HTR4: variants seen among roughly 807,000 people sequenced by gnomAD.
HTR4 encodes the protein 5-hydroxytryptamine receptor 4.
In HTR4, 16 loss-of-function variants were observed where a neutral mutation model predicts 36.8. The observed-to-expected ratio is 0.43, with a 90% CI of 0.29 to 0.66. The LOEUF (loss-of-function observed/expected upper bound fraction) is 0.66, where lower values mean the gene tolerates loss of function less well. HTR4 is among the 30% of genes least tolerant of loss of function. The pLI, the probability that HTR4 is intolerant of heterozygous loss-of-function variation, is 0.13. For missense variants in HTR4, 438 were observed against 490.9 expected, an observed-to-expected ratio of 0.89 and a Z score of 1.02; for synonymous variants, 189 against 185.1, an observed-to-expected ratio of 1.02 and a Z score of -0.17.
intron 2 of HTR4, among the ~76,000 whole-genome samples, chr5:148,635,306 T>C (rs1424534016): frequency 6.6e-6 from 1 of 152,178 alleles, no homozygotes; most frequent in Non-Finnish European, 1.5e-5. Context: ...TCAAAGGCTG[T>C]ACTGAGAGGA....
rs200560044 is a variant in HTR4 at position 148,632,746 on chromosome 5, G to GA, written c.26+4242dup. ...ACTTTCAAATTATAATAAACAGCCA[G>GA]AAAAAAGAGACAGAAACCTGAACTG... On this transcript the variant is annotated intron_variant, in intron 2 of 6. Transcript: ENST00000377888. Among the ~76,000 whole-genome samples the GA allele has an allele frequency of 8.9e-3, 1,357 of 152,148 alleles. 26 individuals are homozygous for GA. The highest frequency in any genetic ancestry group is 0.031 in the African/African-American group (1,298 of 41,524).
intron 5 of HTR4, among the ~76,000 whole-genome samples, chr5:148,453,414 C>T (rs1561556497): frequency 6.6e-6 from 1 of 152,208 alleles, no homozygotes; most frequent in African/African-American, 2.4e-5. Context: ...CGACTATATG[C>T]CTAGTTAGCA....
chr5:148,580,677 A>G (rs1761097793), intron 2 of HTR4, among the ~76,000 whole-genome samples: 1 of 152,112 alleles, frequency 6.6e-6, no homozygotes, highest in African/African-American at 2.4e-5. Context: ...CCAGGTTTAT[A>G]CATGTTGCCA....
chr5:148,503,501 A>T (rs1027658831), intron 6 of HTR4, among the ~76,000 whole-genome samples: 1 of 152,230 alleles, frequency 6.6e-6, no homozygotes, highest in Non-Finnish European at 1.5e-5. Context: ...AGCACTAAAC[A>T]TGGAAAGGAA....
intron 6 of HTR4, among the ~76,000 whole-genome samples, chr5:148,505,763 C>T: frequency 6.6e-6 from 1 of 152,120 alleles, no homozygotes; most frequent in Non-Finnish European, 1.5e-5. Context: ...TGAGTGAACT[C>T]CCAATCACAA....
At chr5:148,614,249 G>A (rs1199552341) in intron 2 of HTR4, among the ~76,000 whole-genome samples, 1 of 152,008 alleles carries the variant, frequency 6.6e-6, no homozygotes, top group Non-Finnish European at 1.5e-5. Flanking sequence ...AAAGAACAAA[G>A]CTGGAGGCAT....
Position 148,581,022 on chromosome 5 carries a change from C to CT in HTR4, c.27-30761dup, listed in dbSNP as rs35230103. Reference sequence around the variant, plus strand: ...CCACAACCTCACCAACATTTGCTGTCTTTTTTTTTTTAATAATAGCCATCC... The same window carrying CT: ...CCACAACCTCACCAACATTTGCTGTCTTTTTTTTTTTTAATAATAGCCATCC... On this transcript the variant is annotated intron_variant, in intron 2 of 6. Coordinates refer to ENST00000377888, the MANE Select transcript of HTR4 (RefSeq NM_000870.7). 2.2e-4 allele frequency among the ~76,000 whole-genome samples: 33 copies of CT among 149,096 alleles called. No individual in the cohort carries two copies. In the South Asian group the frequency reaches 2.8e-3, roughly 12 times the overall value.
chr5:148,608,595 A>C (rs1175060774), intron 2 of HTR4, among the ~76,000 whole-genome samples: 1 of 152,254 alleles, frequency 6.6e-6, no homozygotes, highest in African/African-American at 2.4e-5. Flanking sequence ...CATGTTAAAA[A>C]GTCTGGATTT....
intron 1 of HTR4, among the ~76,000 whole-genome samples, chr5:148,653,594 G>GTC (rs984543721): frequency 5.1e-5 from 7 of 138,050 alleles, no homozygotes; most frequent in African/African-American, 1.6e-4. Flanking sequence ...ACACTATCTT[G>GTC]TCTCTCTCTC....
chr5:148,608,130 C>T (rs780585244), intron 2 of HTR4, among the ~76,000 whole-genome samples: 3 of 152,112 alleles, frequency 2.0e-5, no homozygotes, highest in Non-Finnish European at 2.9e-5. Context: ...GTTTATCAAG[C>T]GATAACTAAG....
At chr5:148,539,536 C>T (rs775313995) in intron 4 of HTR4, among the ~76,000 whole-genome samples, 2 of 152,098 alleles carry the variant, frequency 1.3e-5, no homozygotes, top group African/African-American at 4.8e-5. Flanking sequence ...AAAAGTCAAA[C>T]AACCCCATTA....
At chr5:148,484,869 A>G (rs942811863) in intron 6 of HTR4, among the ~76,000 whole-genome samples, 4 of 152,216 alleles carry the variant, frequency 2.6e-5, no homozygotes, top group Admixed American at 6.5e-5. Context: ...CTCTCTAGAT[A>G]ACTCAAGATG....
intron 6 of HTR4, among the ~76,000 whole-genome samples, chr5:148,508,903 G>T (rs1757353741): frequency 6.6e-6 from 1 of 151,600 alleles, no homozygotes. Flanking sequence ...CATGAGATGA[G>T]AATTAACATT....
intron 2 of HTR4, among the ~76,000 whole-genome samples, chr5:148,605,256 CTTTT>C (rs869039969): frequency 0.057 from 2,442 of 42,550 alleles, 31 homozygotes; most frequent in South Asian, 0.19. Context: ...CTTTTCTTTT[CTTTT>C]TTTTTTTTTT....
chr5:148,586,371 T>G (rs973020009), intron 2 of HTR4, among the ~76,000 whole-genome samples: 3 of 152,000 alleles, frequency 2.0e-5, no homozygotes, highest in African/African-American at 7.3e-5. Flanking sequence ...ATTTTGTATT[T>G]AGCTTTATAA....
In HTR4 at chr5:148,640,210, G is replaced by A. The variant is rs944696496; in HGVS notation, c.-47-3149C>T. 1.4e-4 allele frequency among the ~76,000 whole-genome samples: 22 copies of A among 152,292 alleles called. No homozygotes were observed. In the South Asian group the frequency reaches 3.5e-3, roughly 24 times the overall value. ...GGAGCAACAGAGTATCCTGATGAAA[G>A]TGAACATCCACTATAATTTTCTGCT... On this transcript the variant is annotated intron_variant, in intron 1 of 6. Coordinates refer to ENST00000377888, the MANE Select transcript of HTR4 (RefSeq NM_000870.7).
intron 4 of HTR4, among the ~76,000 whole-genome samples, chr5:148,541,750 T>C (rs942566785): frequency 1.3e-5 from 2 of 152,196 alleles, no homozygotes; most frequent in Admixed American, 1.3e-4. Context: ...GGAAAAGCAG[T>C]GAAAGCTGAG....
At chr5:148,651,322 G>A (rs1468353007) in intron 1 of HTR4, among the ~76,000 whole-genome samples, 1 of 152,178 alleles carries the variant, frequency 6.6e-6, no homozygotes, top group Non-Finnish European at 1.5e-5. Context: ...AATGTGTGAG[G>A]ATGGTAAAGT....
intron 2 of HTR4, among the ~76,000 whole-genome samples, chr5:148,624,805 C>T (rs1753035905): frequency 6.6e-6 from 1 of 151,914 alleles, no homozygotes; most frequent in South Asian, 2.1e-4. Flanking sequence ...CTATGATGGG[C>T]CTTCAATGAT....
Sources: gnomAD v4.1 joint callset for allele counts (sites outside exome capture counted in the v4.1 genomes callset) on GRCh38, gnomAD v4.1.1 for gene constraint, MANE v1.5 for transcripts, NCBI Gene and HGNC (gene_info 2026-07-23, HGNC 2026-07-21) for gene names.